The following FAM13C variants were observed in gnomAD, a reference collection of about 807,000 sequenced individuals.
FAM13C encodes protein FAM13C.
Under a neutral mutation model 73.2 loss-of-function variants are expected in FAM13C, and 37 were observed. The ratio of observed to expected loss-of-function variants is 0.51; its 90% confidence interval spans 0.39 to 0.67. The LOEUF is 0.67. Ranked by LOEUF, FAM13C falls within the 30% of genes least tolerant of loss-of-function variation. The probability of loss-of-function intolerance (pLI) is 0.00; values close to 1 mark genes in which losing one functional copy is unlikely to be tolerated. For synonymous variants in FAM13C, 246 were observed against 260.9 expected, an observed-to-expected ratio of 0.94 and a Z score of 0.55; for missense variants, 589 against 715.6, an observed-to-expected ratio of 0.82 and a Z score of 2.02.
At chr10:59,337,741 A>G (rs1852931921) in intron 3 of FAM13C, among the ~76,000 whole-genome samples, 1 of 124,314 alleles carries the variant, frequency 8.0e-6, no homozygotes, top group African/African-American at 3.2e-5. Flanking sequence ...GTGCAATGGT[A>G]TGATCTCTGC....
At chr10:59,248,713 A>C (rs1170141267) in intron 13 of FAM13C, among the ~76,000 whole-genome samples, 1 of 152,202 alleles carries the variant, frequency 6.6e-6, no homozygotes, top group Admixed American at 6.5e-5. Context: ...GCATATATTT[A>C]ATGTTTTATC....
chr10:59,251,213 G>T (rs1589332106), intron 13 of FAM13C: 2 of 333,508 alleles, frequency 6.0e-6, no homozygotes, highest in East Asian at 9.3e-5. Flanking sequence ...GGAGTAACTT[G>T]TGGAACTAAG....
chr10:59,283,347 C>A lies in FAM13C; in HGVS notation c.592+16G>T. 1 of 1,613,648 alleles carries A rather than the reference C, an allele frequency of 6.2e-7. No individual in the cohort carries two copies. Among genetic ancestry groups the A allele is most frequent in the Non-Finnish European group, 8.5e-7 (1 of 1,179,720 alleles). On this transcript the variant is annotated intron_variant, in intron 6 of 13. Transcript: ENST00000618804. The stretch of plus-strand genomic sequence containing the variant: ...TGAGAGTACAATTTGGGACAACCCC[C>A]AGCCCTGTATCTTACCTGCAGAATC...
At chr10:59,292,578 G>A (rs185610968) in intron 5 of FAM13C, among the ~76,000 whole-genome samples, 150 of 152,322 alleles carry the variant, frequency 9.8e-4, no homozygotes, top group Admixed American at 2.5e-3. Context: ...TTAGAAATCA[G>A]TAAGTATTCA....
chr10:59,285,668 C>A (rs1845468449), intron 5 of FAM13C, among the ~76,000 whole-genome samples: 1 of 152,210 alleles, frequency 6.6e-6, no homozygotes, highest in Admixed American at 6.5e-5. Flanking sequence ...GCATTACTCA[C>A]AATAACCAAG....
intron 11 of FAM13C, chr10:59,253,579 C>A (rs973468170): frequency 6.5e-6 from 1 of 152,826 alleles, no homozygotes; most frequent in Admixed American, 6.5e-5. Context: ...AATATAAGAA[C>A]CTTACTACAT....
At chr10:59,346,188 G>GTT (rs1437768650) in intron 3 of FAM13C, among the ~76,000 whole-genome samples, 3 of 107,016 alleles carry the variant, frequency 2.8e-5, no homozygotes, top group Non-Finnish European at 6.2e-5. Context: ...CATAATCTTA[G>GTT]TTCTTTTGTA....
intron 3 of FAM13C, among the ~76,000 whole-genome samples, chr10:59,332,876 T>C (rs556127779): frequency 6.6e-6 from 1 of 152,318 alleles, no homozygotes; most frequent in East Asian, 1.9e-4. Context: ...CCACATGGCC[T>C]GTTAGGTCTA....
intron 4 of FAM13C, among the ~76,000 whole-genome samples, chr10:59,304,841 G>GGGGGA (rs1402947596): frequency 2.4e-5 from 2 of 82,662 alleles, no homozygotes; most frequent in African/African-American, 8.5e-5. Context: ...GGGCGGGGGA[G>GGGGGA]GGGGAGGGGG....
chr10:59,302,718 G>T, intron 5 of FAM13C, 83 bp downstream of exon 5: 1 of 1,282,638 alleles, frequency 7.8e-7, no homozygotes, highest in Non-Finnish European at 1.1e-6. Flanking sequence ...TCATGAGAAT[G>T]AATTCCTAGT....
intron 5 of FAM13C, among the ~76,000 whole-genome samples, chr10:59,295,306 G>A (rs1003698576): frequency 2.6e-5 from 4 of 152,210 alleles, no homozygotes; most frequent in Admixed American, 2.0e-4. Context: ...CCTTTAAAAT[G>A]CACAGAGTTT....
chr10:59,251,115 G>A (rs2452504), intron 13 of FAM13C: 169,249 of 170,964 alleles, frequency 0.99, 83,796 homozygotes, highest in Middle Eastern at 1. Context: ...ATTTTTGATC[G>A]ACTCTTGAAA....
chr10:59,335,271 A>G (rs1212115094), intron 3 of FAM13C, among the ~76,000 whole-genome samples: 1 of 152,204 alleles, frequency 6.6e-6, no homozygotes, highest in African/African-American at 2.4e-5. Flanking sequence ...ATACATTCAG[A>G]CTGAATTGAA....
intron 13 of FAM13C, 61 bp downstream of exon 13, chr10:59,251,514 C>A: frequency 1.4e-6 from 2 of 1,454,178 alleles, no homozygotes; most frequent in Non-Finnish European, 1.9e-6. Flanking sequence ...AATTGCAGCT[C>A]ATTTTTAACA....
chr10:59,329,493 G>A (rs563669835), intron 3 of FAM13C, among the ~76,000 whole-genome samples: 8 of 151,482 alleles, frequency 5.3e-5, no homozygotes, highest in African/African-American at 1.9e-4. Flanking sequence ...CTGAATAGCT[G>A]GGATTACAGG....
At chr10:59,254,547 A>C in intron 10 of FAM13C, 104 bp from the exon 11 acceptor site, 1 of 467,796 alleles carries the variant, frequency 2.1e-6, no homozygotes, top group Non-Finnish European at 3.8e-6. Flanking sequence ...ATAATACTAT[A>C]ATGCAGCAGT....
intron 5 of FAM13C, among the ~76,000 whole-genome samples, chr10:59,292,915 G>A (rs1257163039): frequency 6.6e-6 from 1 of 152,008 alleles, no homozygotes; most frequent in Non-Finnish European, 1.5e-5. Context: ...TCACACTACA[G>A]TGCTGTAGAA....
chr10:59,325,880 A>G (rs573042771), intron 3 of FAM13C, among the ~76,000 whole-genome samples: 2 of 152,250 alleles, frequency 1.3e-5, no homozygotes, highest in South Asian at 4.1e-4. Context: ...TGGAATGCTT[A>G]TTTCACATTT....
At chr10:59,339,511 G>A (rs768452599) in intron 3 of FAM13C, among the ~76,000 whole-genome samples, 1 of 152,140 alleles carries the variant, frequency 6.6e-6, no homozygotes, top group Non-Finnish European at 1.5e-5. Flanking sequence ...CTCCTGTCTA[G>A]CTTCCATTCT....
Sources: allele counts gnomAD v4.1 joint callset (sites outside exome capture counted in the v4.1 genomes callset), GRCh38; gene constraint gnomAD v4.1.1; transcripts MANE v1.5; gene names NCBI Gene and HGNC (gene_info 2026-07-23, HGNC 2026-07-21).